The following CCDC174 variants were observed in gnomAD, a reference collection of about 807,000 sequenced individuals.
The protein encoded by CCDC174 is coiled-coil domain containing 174.
A neutral mutation model predicts 57.1 loss-of-function variants in CCDC174; 37 were observed. The ratio of observed to expected loss-of-function variants is 0.65; its 90% CI spans 0.50 to 0.85. The LOEUF (loss-of-function observed/expected upper bound fraction) is 0.85, where lower values mean the gene tolerates loss of function less well. Ranked by LOEUF, CCDC174 falls within the 40% of genes least tolerant of loss-of-function variation. The pLI, the probability that CCDC174 is intolerant of heterozygous loss-of-function variation, is 0.00. For missense variants in CCDC174, 540 were observed against 574.3 expected, an observed-to-expected ratio of 0.94 and a Z score of 0.61; for synonymous variants, 182 against 190.2, an observed-to-expected ratio of 0.96 and a Z score of 0.35.
Position 14,661,695 on chromosome 3 carries a change from C to G in CCDC174, c.473C>G (p.Pro158Arg). The G allele has an allele frequency of 6.2e-7, 1 of 1,611,840 alleles. No homozygotes were observed. Among genetic ancestry groups the G allele is most frequent in the Non-Finnish European group, 8.5e-7 (1 of 1,179,266 alleles). The change falls in exon 5 of 11, where the codon CCC (proline) becomes CGC (arginine). Residue 158 changes from proline to arginine, a missense_variant. Coordinates refer to ENST00000383794, the MANE Select transcript of CCDC174 (RefSeq NM_016474.5). ...GGAGAGATCCCTCCTCCCCAAGACC[C>G]CAGTGAAGAATGGTTGGTAACATCA... is the stretch of plus-strand genomic sequence containing the variant. Reference protein sequence around the residue: ...PEGEIPPPQDPSEEWVDYVDS... With the variant: ...PEGEIPPPQDRSEEWVDYVDS...
intron 1 of CCDC174, among the ~76,000 whole-genome samples, chr3:14,652,676 C>T: frequency 6.6e-6 from 1 of 151,926 alleles, no homozygotes; most frequent in East Asian, 1.9e-4. Context: ...CTGAGGCGGG[C>T]AGATCACCTG....
Position 14,661,578 on chromosome 3 carries a change from T to G in CCDC174, c.356T>G (p.Ile119Arg). 6.2e-7 allele frequency: 1 copy of G among 1,614,144 alleles called. No individual in the cohort carries two copies. Among genetic ancestry groups the G allele is most frequent in the Non-Finnish European group, 8.5e-7 (1 of 1,180,004 alleles). The change falls in exon 5 of 11, where the codon ATA becomes AGA. Residue 119 changes from isoleucine (I) to arginine (R), a missense_variant. By Grantham distance (97) the Ile-to-Arg change is moderately conservative. Transcript: ENST00000383794. Reference sequence around the variant, plus strand: ...CTTGTGGATTTCACACAGAAGATCATAGACAAGCGCAAAGAAATGGAGGCA... The same window carrying G: ...CTTGTGGATTTCACACAGAAGATCAGAGACAAGCGCAAAGAAATGGAGGCA... ...MYLVDFTQKI[I>R]DKRKEMEASG... is the part of the protein sequence containing the mutation.
chr3:14,657,176 A>G (rs912803873), intron 3 of CCDC174, among the ~76,000 whole-genome samples: 5 of 152,208 alleles, frequency 3.3e-5, no homozygotes, highest in African/African-American at 4.8e-5. Flanking sequence ...TTTTCTATGC[A>G]GTAACTTTTA....
Position 14,651,783 on chromosome 3 carries a change from G to C in CCDC174, c.-54G>C, listed in dbSNP as rs1268994329. 9 of 1,589,462 alleles carry C rather than the reference G, an allele frequency of 5.7e-6. No individual in the cohort carries two copies. Among genetic ancestry groups the C allele is most frequent in the Non-Finnish European group, 7.8e-6 (9 of 1,157,880 alleles). ...GGTTGCGACGGAGGTAGGCTTACGAGGCCTGTGTCGGGTAGAAAGGGTCCT... is the reference window on the plus strand; with the variant it reads ...GGTTGCGACGGAGGTAGGCTTACGACGCCTGTGTCGGGTAGAAAGGGTCCT... On this transcript the variant is annotated 5_prime_UTR_variant, in exon 1 of 11. Coordinates refer to ENST00000383794, the MANE Select transcript of CCDC174 (RefSeq NM_016474.5).
intron 8 of CCDC174, 109 bp from the exon 9 acceptor site, chr3:14,667,940 G>A: frequency 1.9e-6 from 2 of 1,029,166 alleles, no homozygotes; most frequent in Non-Finnish European, 1.4e-6. Context: ...TCTTAGAGGT[G>A]GCCTGAAGAT....
chr3:14,658,991 A>G (rs542799366), intron 4 of CCDC174, 62 bp downstream of exon 4: 48 of 1,360,728 alleles, frequency 3.5e-5, no homozygotes, highest in South Asian at 2.2e-4. Flanking sequence ...TTGATATTAC[A>G]TTACTTGTTA....
intron 6 of CCDC174, among the ~76,000 whole-genome samples, chr3:14,665,721 T>C (rs777711803): frequency 2.6e-5 from 4 of 152,120 alleles, no homozygotes; most frequent in Non-Finnish European, 4.4e-5. Context: ...ACATAGCCTT[T>C]GGCTTGGCAT....
chr3:14,670,832 A>G, intron 10 of CCDC174, 64 bp from the exon 11 acceptor site: 1 of 1,285,924 alleles, frequency 7.8e-7, no homozygotes, highest in Non-Finnish European at 1.1e-6. Context: ...ATTAGATAAT[A>G]GTAACAATAA....
chr3:14,662,842 C>A (rs2031194476), intron 5 of CCDC174, among the ~76,000 whole-genome samples: 1 of 152,216 alleles, frequency 6.6e-6, no homozygotes, highest in South Asian at 2.1e-4. Flanking sequence ...ACTGCATCTT[C>A]ATTCTACTGA....
intron 5 of CCDC174, 145 bp downstream of exon 5, chr3:14,661,852 A>G: frequency 3.1e-6 from 2 of 644,968 alleles, no homozygotes; most frequent in Admixed American, 6.4e-5. Flanking sequence ...GTTAGGTTGG[A>G]TTAGGTTATT....
chr3:14,662,855 G>A (rs943324127), intron 5 of CCDC174, among the ~76,000 whole-genome samples: 4 of 152,206 alleles, frequency 2.6e-5, no homozygotes, highest in African/African-American at 9.7e-5. Context: ...TCTACTGAGG[G>A]TGTCCATGTT....
At chr3:14,666,602 G>A (rs1311425674) in intron 6 of CCDC174, among the ~76,000 whole-genome samples, 4 of 151,592 alleles carry the variant, frequency 2.6e-5, no homozygotes, top group East Asian at 1.9e-4. Flanking sequence ...CAGCCTGGGC[G>A]ACAGAGCAAG....
intron 7 of CCDC174, 40 bp from the exon 8 acceptor site, chr3:14,667,384 A>G: frequency 1.4e-6 from 2 of 1,472,492 alleles, no homozygotes; most frequent in Non-Finnish European, 1.9e-6. Flanking sequence ...TTGAATGATC[A>G]GGACAGTCTG....
chr3:14,654,394 A>G, intron 1 of CCDC174, 32 bp from the exon 2 acceptor site: 1 of 1,153,590 alleles, frequency 8.7e-7, no homozygotes, highest in Non-Finnish European at 1.3e-6. Flanking sequence ...CAGGAATTTA[A>G]TATTTTTGTT....
chr3:14,669,902 A>G (rs1449031624), intron 9 of CCDC174, 32 bp from the exon 10 acceptor site: 2 of 1,606,966 alleles, frequency 1.2e-6, no homozygotes, highest in Admixed American at 1.7e-5. Flanking sequence ...AGGCTTTTTT[A>G]TAACAGTGTC....
chr3:14,667,651 C>T (rs2031386022), intron 8 of CCDC174, 133 bp downstream of exon 8: 1 of 695,766 alleles, frequency 1.4e-6, no homozygotes, highest in East Asian at 2.7e-5. Flanking sequence ...AGGTAGTTGC[C>T]ATACTATTTT....
At chr3:14,661,468 T>G in intron 4 of CCDC174, 62 bp from the exon 5 acceptor site, 1 of 1,446,180 alleles carries the variant, frequency 6.9e-7, no homozygotes, top group South Asian at 1.3e-5. Context: ...TGTGACTGCT[T>G]CTTGTCCATT....
intron 3 of CCDC174, among the ~76,000 whole-genome samples, chr3:14,656,832 A>G (rs1400957869): frequency 6.6e-6 from 1 of 152,212 alleles, no homozygotes; most frequent in Non-Finnish European, 1.5e-5. Flanking sequence ...ACCCTCAGAG[A>G]GAATCCCAAG....
chr3:14,662,044 C>T (rs927872453), intron 5 of CCDC174: 7 of 230,360 alleles, frequency 3.0e-5, no homozygotes, highest in African/African-American at 9.2e-5. Flanking sequence ...GAGGGCAGAG[C>T]GCCTTCCTTT....
Sources: allele counts gnomAD v4.1 joint callset (sites outside exome capture counted in the v4.1 genomes callset), GRCh38; gene constraint gnomAD v4.1.1; transcripts MANE v1.5; gene names NCBI Gene and HGNC (gene_info 2026-07-23, HGNC 2026-07-21).